The following MIS18A variants were observed in gnomAD, a reference collection of about 807,000 sequenced individuals.
MIS18A encodes MIS18 kinetochore protein A.
MIS18A carries 14 observed loss-of-function variants against 25.0 expected under a neutral mutation model. The observed-to-expected ratio is 0.56, with a 90% CI of 0.37 to 0.88. MIS18A has a LOEUF of 0.88. Among genes scored for constraint, MIS18A ranks in the 40% least tolerant of loss-of-function variants. MIS18A has a pLI of 0.00. For synonymous variants in MIS18A, 134 were observed against 118.6 expected (o/e 1.13, Z -0.84); for missense variants, 292 against 290.8 (o/e 1.00, Z -0.03).
the MIS18A span, among the ~76,000 whole-genome samples, chr21:32,212,472 C>T: frequency 0.37 from 56,266 of 151,880 alleles, 10,607 homozygotes; most frequent in East Asian, 0.46. Context: ...CAGACTCTCA[C>T]ACCTGCACCT....
At chr21:32,206,265 T>A in the MIS18A span, among the ~76,000 whole-genome samples, 2 of 152,162 alleles carry the variant, frequency 1.3e-5, no homozygotes, top group Admixed American at 6.5e-5. Flanking sequence ...GTATTTTCCA[T>A]CCCTTCCATG....
chr21:32,207,013 T>C, the MIS18A span, among the ~76,000 whole-genome samples: 6 of 152,228 alleles, frequency 3.9e-5, no homozygotes, highest in African/African-American at 1.4e-4. Context: ...CCTTTCCTCA[T>C]GGGCTTACTT....
chr21:32,163,932 T>A, the MIS18A span, among the ~76,000 whole-genome samples: 1 of 152,154 alleles, frequency 6.6e-6, no homozygotes, highest in Admixed American at 6.5e-5. Flanking sequence ...TGGTGAGGCC[T>A]CAGGAAGCTT....
chr21:32,181,258 C>T, the MIS18A span, among the ~76,000 whole-genome samples: 109 of 152,310 alleles, frequency 7.2e-4, 2 homozygotes, highest in South Asian at 0.022. Context: ...CTACACCACA[C>T]TCTCCAGTTC....
chr21:32,251,153 C>T, the MIS18A span, among the ~76,000 whole-genome samples: 1 of 152,140 alleles, frequency 6.6e-6, no homozygotes, highest in Non-Finnish European at 1.5e-5. Flanking sequence ...TCAATTAAAC[C>T]TTTTTCCTCT....
the MIS18A span, among the ~76,000 whole-genome samples, chr21:32,187,420 A>G: frequency 6.6e-6 from 1 of 152,208 alleles, no homozygotes; most frequent in East Asian, 1.9e-4. Flanking sequence ...TTACCAGGTG[A>G]CCTTGGGTTT....
At chr21:32,249,159 G>A in the MIS18A span, among the ~76,000 whole-genome samples, 98 of 152,324 alleles carry the variant, frequency 6.4e-4, 1 homozygote, top group Middle Eastern at 6.8e-3. Context: ...GTATTTCAAC[G>A]TGGATGCTTC....
At chr21:32,240,906 T>C in the MIS18A span, among the ~76,000 whole-genome samples, 2 of 152,206 alleles carry the variant, frequency 1.3e-5, no homozygotes, top group African/African-American at 4.8e-5. Context: ...TAGCAGTCAC[T>C]ACAATCCCCA....
chr21:32,195,946 G>C, the MIS18A span, among the ~76,000 whole-genome samples: 1 of 152,040 alleles, frequency 6.6e-6, no homozygotes, highest in African/African-American at 2.4e-5. Context: ...CTTGAACCTG[G>C]TTGGAGGAGG....
At chr21:32,171,470 G>A in the MIS18A span, among the ~76,000 whole-genome samples, 122 of 151,994 alleles carry the variant, frequency 8.0e-4, 1 homozygote, top group Admixed American at 1.2e-3. Flanking sequence ...TTAATGACAG[G>A]GACACATTCT....
At chr21:32,195,785 A>C in the MIS18A span, among the ~76,000 whole-genome samples, 1 of 152,098 alleles carries the variant, frequency 6.6e-6, no homozygotes, top group Admixed American at 6.5e-5. Flanking sequence ...TTTGGGAGGC[A>C]GAGGCAGGTG....
the MIS18A span, among the ~76,000 whole-genome samples, chr21:32,220,345 G>A: frequency 3.3e-5 from 5 of 152,232 alleles, no homozygotes; most frequent in Non-Finnish European, 5.9e-5. Context: ...AGGATCTGGA[G>A]TGGACCTCCT....
chr21:32,188,557 G>A, the MIS18A span, among the ~76,000 whole-genome samples: 2 of 152,226 alleles, frequency 1.3e-5, no homozygotes, highest in African/African-American at 4.8e-5. Context: ...CTGGGTGGAA[G>A]AGAAAATGAG....
the MIS18A span, among the ~76,000 whole-genome samples, chr21:32,166,895 T>G: frequency 1.3e-5 from 2 of 152,118 alleles, no homozygotes; most frequent in Non-Finnish European, 2.9e-5. Flanking sequence ...AATTACTACC[T>G]TGACTGAGTG....
At chr21:32,174,174 G>A in the MIS18A span, among the ~76,000 whole-genome samples, 4 of 151,352 alleles carry the variant, frequency 2.6e-5, no homozygotes, top group African/African-American at 7.3e-5. Flanking sequence ...CATGTTGGTC[G>A]GGCTCATCTC....
At chr21:32,214,138 A>G in the MIS18A span, among the ~76,000 whole-genome samples, 6 of 151,814 alleles carry the variant, frequency 4.0e-5, no homozygotes, top group Non-Finnish European at 7.4e-5. Flanking sequence ...GTGGTCCCTC[A>G]CTCCCATGGT....
At chr21:32,205,684 TA>T in the MIS18A span, among the ~76,000 whole-genome samples, 2 of 152,244 alleles carry the variant, frequency 1.3e-5, no homozygotes, top group East Asian at 1.9e-4. Flanking sequence ...TACCTAATGA[TA>T]TGTATTTTAC....
chr21:32,187,239 T>G, the MIS18A span, among the ~76,000 whole-genome samples: 1 of 152,232 alleles, frequency 6.6e-6, no homozygotes, highest in East Asian at 1.9e-4. Flanking sequence ...TTTCAGGCCA[T>G]CTGGTGTTGA....
chr21:32,212,729 T>G, the MIS18A span, among the ~76,000 whole-genome samples: 3 of 152,272 alleles, frequency 2.0e-5, no homozygotes, highest in Non-Finnish European at 4.4e-5. Flanking sequence ...GATAATTGAA[T>G]CATGGGGGCA....
Sources: allele counts gnomAD v4.1 joint callset (sites outside exome capture counted in the v4.1 genomes callset), GRCh38; gene constraint gnomAD v4.1.1; transcripts MANE v1.5; gene names NCBI Gene and HGNC (gene_info 2026-07-23, HGNC 2026-07-21).